MXI1: variants seen among roughly 807,000 people sequenced by gnomAD.
The protein encoded by MXI1 is MAX interactor 1, dimerization protein.
Under a neutral mutation model 36.9 loss-of-function variants are expected in MXI1, and 18 were observed. The ratio of observed to expected loss-of-function variants is 0.49; its 90% CI spans 0.34 to 0.72. MXI1 has a LOEUF of 0.72. MXI1 is among the 30% of genes least tolerant of loss of function. The pLI is 0.01. For missense variants in MXI1, 304 were observed against 379.1 expected, an observed-to-expected ratio of 0.80 and a Z score of 1.64; for synonymous variants, 160 against 146.7, an observed-to-expected ratio of 1.09 and a Z score of -0.65.
intron 3 of MXI1, among the ~76,000 whole-genome samples, chr10:110,269,041 A>C (rs897907881): frequency 2.0e-5 from 3 of 152,124 alleles, no homozygotes; most frequent in Non-Finnish European, 4.4e-5. Flanking sequence ...CAAAAAACAA[A>C]CTGCATTTTG....
At chr10:110,226,187 C>T in intron 1 of MXI1, 1 of 1,466,876 alleles carries the variant, frequency 6.8e-7, no homozygotes, top group Non-Finnish European at 9.0e-7. Flanking sequence ...TGCGGAGAGG[C>T]GCCGGTCGCC....
intron 3 of MXI1, among the ~76,000 whole-genome samples, chr10:110,258,235 T>G (rs1376746880): frequency 6.6e-6 from 1 of 152,176 alleles, no homozygotes; most frequent in Non-Finnish European, 1.5e-5. Flanking sequence ...CTTCCCATTT[T>G]TAGCCTAAAG....
intron 3 of MXI1, among the ~76,000 whole-genome samples, chr10:110,261,617 TTTTACTC>T (rs1232555045): frequency 6.6e-6 from 1 of 152,042 alleles, no homozygotes; most frequent in African/African-American, 2.4e-5. Flanking sequence ...CAATCCCACT[TTTTACTC>T]TTAGATCTAG....
intron 3 of MXI1, among the ~76,000 whole-genome samples, chr10:110,255,012 TGCC>T (rs1856235731): frequency 6.6e-6 from 1 of 151,990 alleles, no homozygotes; most frequent in African/African-American, 2.4e-5. Context: ...TGGAAGAAGA[TGCC>T]ATCCAGGACT....
At chr10:110,229,904 C>G (rs1201658039) in intron 2 of MXI1, among the ~76,000 whole-genome samples, 1 of 151,884 alleles carries the variant, frequency 6.6e-6, no homozygotes, top group East Asian at 1.9e-4. Flanking sequence ...GGAAACTAGA[C>G]CTGGGTTCTG....
In MXI1 at chr10:110,284,848, G is replaced by C; in HGVS notation, c.749G>C (p.Ser250Thr). ...GAGGAGATTGAAGTGGATGTTGAAA[G>C]CACAGAGTTCTCCCATGGAGAAGTG... is the stretch of plus-strand genomic sequence containing the variant. ...EREEIEVDVE[S>T]TEFSHGEVDN... Residue 250 changes from serine to threonine, a missense_variant, in exon 6 of 6, where the codon AGC becomes ACC. Ser to Thr is a moderately conservative substitution (Grantham distance 58). This residue lies in a region of MXI1 where 125 missense variants were observed against 194.3 expected (regional missense o/e 0.64). Transcript: ENST00000332674. 1 of 1,607,922 alleles carries C rather than the reference G, an allele frequency of 6.2e-7. No individual in the cohort carries two copies. Among genetic ancestry groups the C allele is most frequent in the African/African-American group, 1.3e-5 (1 of 74,318 alleles).
intron 4 of MXI1, 90 bp downstream of exon 4, chr10:110,279,384 C>CATAGCTTAATA (rs1857153606): frequency 4.8e-6 from 5 of 1,052,578 alleles, no homozygotes; most frequent in Non-Finnish European, 7.3e-6. Context: ...TCAGCTAGTT[C>CATAGCTTAATA]ACCATGCCCT....
At chr10:110,236,559 T>TG (rs1855486259) in intron 2 of MXI1, among the ~76,000 whole-genome samples, 1 of 152,068 alleles carries the variant, frequency 6.6e-6, no homozygotes, top group South Asian at 2.1e-4. Context: ...CGGGCTCAGG[T>TG]GATTCTCCCA....
At chr10:110,279,339 G>C (rs749882054) in intron 4 of MXI1, 45 bp downstream of exon 4, 1 of 1,511,746 alleles carries the variant, frequency 6.6e-7, no homozygotes, top group Non-Finnish European at 9.2e-7. Context: ...CTCAGTTCTG[G>C]TTTAATTATT....
chr10:110,254,479 CAA>C (rs1856213508), intron 3 of MXI1, among the ~76,000 whole-genome samples: 1 of 152,082 alleles, frequency 6.6e-6, no homozygotes. Context: ...TCAAGTGAAA[CAA>C]AGAGTCACAT....
In MXI1 at chr10:110,280,055, A is replaced by G. The variant is rs770940384; in HGVS notation, c.694A>G (p.Ile232Val). Residue 232 changes from isoleucine to valine, a missense_variant, in exon 5 of 6, where the codon ATT becomes GTT. Ile to Val is a conservative substitution (Grantham distance 29). This residue lies in a region of MXI1 where 125 missense variants were observed against 194.3 expected (regional missense o/e 0.64). Coordinates refer to ENST00000332674, the MANE Select transcript of MXI1 (RefSeq NM_130439.3). ...ACGAATGGACAGCATTGGATCAACT[A>G]TTTCTTCAGATCGTTCTGATTCAGA... ...RIRMDSIGSTISSDRSDSERE... is the reference protein window; with the variant it reads ...RIRMDSIGSTVSSDRSDSERE... 1.4e-5 allele frequency: 22 copies of G among 1,595,888 alleles called. No homozygotes were observed. Among genetic ancestry groups the G allele is most frequent in the South Asian group, 2.3e-5 (2 of 88,606 alleles).
At chr10:110,219,511 G>C (rs1854743099) in intron 1 of MXI1, among the ~76,000 whole-genome samples, 1 of 152,152 alleles carries the variant, frequency 6.6e-6, no homozygotes, top group Admixed American at 6.5e-5. Context: ...GAGACTCCAG[G>C]TCTGCTGCAG....
At chr10:110,220,294 T>C (rs746891174) in intron 1 of MXI1, among the ~76,000 whole-genome samples, 3 of 152,192 alleles carry the variant, frequency 2.0e-5, no homozygotes, top group Non-Finnish European at 2.9e-5. Flanking sequence ...GCCCTAGTTA[T>C]GTGGCAGCTA....
intron 2 of MXI1, among the ~76,000 whole-genome samples, chr10:110,235,280 G>A (rs901031675): frequency 3.9e-5 from 6 of 152,148 alleles, no homozygotes; most frequent in African/African-American, 1.2e-4. Flanking sequence ...GAGATACTTT[G>A]TAGTACTGTT....
intron 3 of MXI1, among the ~76,000 whole-genome samples, chr10:110,271,217 A>G (rs111666240): frequency 6.6e-6 from 1 of 151,470 alleles, no homozygotes; most frequent in Non-Finnish European, 1.5e-5. Context: ...CTGCACCAGA[A>G]AAAAAAAAGG....
At chr10:110,226,115 T>A in intron 1 of MXI1, 3 of 1,216,094 alleles carry the variant, frequency 2.5e-6, no homozygotes, top group South Asian at 5.5e-5. Context: ...CCGTCGCACA[T>A]GTTCCGGAAC....
chr10:110,242,466 A>G (rs1002015768), intron 2 of MXI1, among the ~76,000 whole-genome samples: 10 of 152,036 alleles, frequency 6.6e-5, no homozygotes, highest in South Asian at 4.1e-4. Context: ...TTGGAAGAAC[A>G]TGGCAACATG....
At chr10:110,233,486 T>G (rs1310684716) in intron 2 of MXI1, among the ~76,000 whole-genome samples, 1 of 152,088 alleles carries the variant, frequency 6.6e-6, no homozygotes, top group Non-Finnish European at 1.5e-5. Context: ...TGAAGCCTTA[T>G]TTTTATTTTT....
intron 3 of MXI1, among the ~76,000 whole-genome samples, chr10:110,266,590 G>A (rs1856684747): frequency 6.6e-6 from 1 of 152,164 alleles, no homozygotes; most frequent in Non-Finnish European, 1.5e-5. Context: ...TGAACATCCA[G>A]TTCCTTAGCC....
Sources: allele counts gnomAD v4.1 joint callset (sites outside exome capture counted in the v4.1 genomes callset), GRCh38; gene constraint gnomAD v4.1.1; regional missense constraint gnomAD v4.1.1; transcripts MANE v1.5; gene names NCBI Gene and HGNC (gene_info 2026-07-23, HGNC 2026-07-21).